Variants in TNFRSF8 observed in about 807,000 individuals in gnomAD.
TNFRSF8 encodes TNF receptor superfamily member 8.
Under a neutral mutation model 70.8 loss-of-function variants are expected in TNFRSF8, and 26 were observed. The ratio of observed to expected loss-of-function variants is 0.37; its 90% confidence interval spans 0.27 to 0.51. TNFRSF8 has a LOEUF of 0.51. TNFRSF8 is among the 20% of genes least tolerant of loss of function. The probability of loss-of-function intolerance (pLI) is 0.94; values close to 1 mark genes in which losing one functional copy is unlikely to be tolerated. For synonymous variants in TNFRSF8, 356 were observed against 339.2 expected (o/e 1.05, Z -0.54); for missense variants, 720 against 807.9 (o/e 0.89, Z 1.32).
chr1:12,081,188 C>A (rs563166054), intron 1 of TNFRSF8, among the ~76,000 whole-genome samples: 3 of 152,316 alleles, frequency 2.0e-5, no homozygotes, highest in South Asian at 2.1e-4. Flanking sequence ...GAAGCATAAG[C>A]AGCCAGAGCC....
At chr1:12,080,132 A>G (rs1641038356) in intron 1 of TNFRSF8, among the ~76,000 whole-genome samples, 1 of 151,846 alleles carries the variant, frequency 6.6e-6, no homozygotes, top group Non-Finnish European at 1.5e-5. Context: ...TATTTTTAGC[A>G]GAGACGGGGT....
intron 3 of TNFRSF8, among the ~76,000 whole-genome samples, chr1:12,098,309 G>A (rs1641365089): frequency 1.3e-5 from 2 of 152,084 alleles, no homozygotes; most frequent in South Asian, 4.1e-4. Flanking sequence ...ATTTCTAAAA[G>A]TAATGACTGC....
chr1:12,122,699 G>C lies in TNFRSF8; in HGVS notation c.947-585G>C, dbSNP rs188074373. Among the ~76,000 whole-genome samples, 662 of 152,058 alleles carry C rather than the reference G, an allele frequency of 4.4e-3. 5 individuals are homozygous for C. The highest frequency in any genetic ancestry group is 7.9e-3 in the South Asian group (38 of 4,818). On this transcript the variant is annotated intron_variant, in intron 8 of 14. Transcript: ENST00000263932. ...ATTCCTTAATAAAGTTGATTTAAAA[G>C]AAAAAAACTTTAAAAATTGAGGCTG...
At chr1:12,095,902 C>T (rs1429984933) in intron 2 of TNFRSF8, among the ~76,000 whole-genome samples, 1 of 152,236 alleles carries the variant, frequency 6.6e-6, no homozygotes, top group African/African-American at 2.4e-5. Flanking sequence ...CTTCTGCTGG[C>T]TTCTGAGTCA....
Position 12,063,657 on chromosome 1 carries a change from C to G in TNFRSF8, c.59C>G (p.Pro20Arg). ...TTCCTGGGGGCGCTACGAGCCTTCC[C>G]ACAGGTAAGCGGGTGACGGGCGCCT... The part of the protein sequence containing the change: ...LLFLGALRAF[P>R]QDRPFEDTCH... The change falls in exon 1 of 15, where the codon CCA (proline) becomes CGA (arginine). Residue 20 changes from proline to arginine, a missense_variant. By Grantham distance (103) the Pro-to-Arg change is moderately radical. Transcript: ENST00000263932. The surrounding 1 kb of genome is among the most constrained non-coding windows in gnomAD (Gnocchi z 7.2). 2.3e-6 allele frequency: 3 copies of G among 1,276,866 alleles called. No homozygotes were observed. The highest frequency in any genetic ancestry group is 6.3e-5 in the East Asian group (2 of 31,786). 79.1% of individuals were successfully genotyped at this position (1,276,866 alleles called of 1,614,324 possible).
chr1:12,065,859 A>C (rs1640730995), intron 1 of TNFRSF8, among the ~76,000 whole-genome samples: 1 of 152,180 alleles, frequency 6.6e-6, no homozygotes, highest in African/African-American at 2.4e-5. Context: ...GCACAGCCCT[A>C]TATGGATGCT....
intron 1 of TNFRSF8, among the ~76,000 whole-genome samples, chr1:12,066,466 G>A (rs1451255879): frequency 2.6e-5 from 4 of 151,038 alleles, no homozygotes; most frequent in Admixed American, 1.3e-4. Context: ...TGATTCTACC[G>A]TCTCAGCCTC....
At chr1:12,079,727 G>A (rs147274302) in intron 1 of TNFRSF8, among the ~76,000 whole-genome samples, 1 of 152,080 alleles carries the variant, frequency 6.6e-6, no homozygotes, top group Middle Eastern at 3.2e-3. Flanking sequence ...CATCCCACCA[G>A]GTTGAGATCC....
rs928787885 is a variant in TNFRSF8 at position 12,115,629 on chromosome 1, A to T, written c.846A>T (p.Glu282Asp). 6 of 1,614,140 alleles carry T rather than the reference A, an allele frequency of 3.7e-6. No homozygotes were observed. The highest frequency in any genetic ancestry group is 5.1e-6 in the Non-Finnish European group (6 of 1,180,010). ...CATGGAACTCCTCCCGCACCTGCGA[A>T]TGTCGACCTGGCATGATCTGTGCCA... ...PCAWNSSRTC[E>D]CRPGMICATS... is the part of the protein sequence containing the mutation. Residue 282 changes from glutamate (E) to aspartate (D), a missense_variant, in exon 8 of 15, where the codon GAA becomes GAT. Coordinates refer to ENST00000263932, the MANE Select transcript of TNFRSF8 (RefSeq NM_001243.5).
At chr1:12,097,363 C>CAT in intron 3 of TNFRSF8, 146 bp downstream of exon 3, 2 of 585,436 alleles carry the variant, frequency 3.4e-6, no homozygotes. Context: ...GTTTACCTCT[C>CAT]TGCATTTGTG....
intron 13 of TNFRSF8, among the ~76,000 whole-genome samples, chr1:12,137,799 G>T (rs1335374629): frequency 6.6e-6 from 1 of 151,980 alleles, no homozygotes; most frequent in Non-Finnish European, 1.5e-5. Context: ...GTGCTTATGA[G>T]TGTGGGTTAT....
At chr1:12,069,625 A>G (rs147118249) in intron 1 of TNFRSF8, among the ~76,000 whole-genome samples, 13 of 152,170 alleles carry the variant, frequency 8.5e-5, no homozygotes, top group African/African-American at 2.4e-4. Flanking sequence ...GCGTGAGCTC[A>G]AGGCTCCTCA....
chr1:12,107,264 G>A lies in TNFRSF8; in HGVS notation c.422-2302G>A, dbSNP rs557750010. Among the ~76,000 whole-genome samples the A allele has an allele frequency of 2.6e-4, 39 of 152,180 alleles. No homozygotes were observed. The East Asian group carries it at 6.6e-3, about 26-fold the overall frequency. On this transcript the variant is annotated intron_variant, in intron 4 of 14. Transcript: ENST00000263932. Reference sequence around the variant, plus strand: ...ACAAAAGTTGGCCAGGTGTGGTGGCGGGTGCTTGAAATCTCAACTACTTGG... The same window carrying A: ...ACAAAAGTTGGCCAGGTGTGGTGGCAGGTGCTTGAAATCTCAACTACTTGG...
chr1:12,100,924 T>C (rs557038831), intron 3 of TNFRSF8, among the ~76,000 whole-genome samples: 1 of 148,782 alleles, frequency 6.7e-6, no homozygotes, highest in Non-Finnish European at 1.5e-5. Flanking sequence ...GCTACTGCAC[T>C]CCAGCCTGGG....
chr1:12,131,320 C>G (rs947266615), intron 12 of TNFRSF8, among the ~76,000 whole-genome samples: 4 of 151,962 alleles, frequency 2.6e-5, no homozygotes, highest in African/African-American at 7.3e-5. Context: ...CATGGTGGCA[C>G]ACACCTGTAA....
At chr1:12,124,878 C>CAAAACAAAACAAAACAAAACA (rs148495171) in intron 10 of TNFRSF8, among the ~76,000 whole-genome samples, 7 of 141,856 alleles carry the variant, frequency 4.9e-5, no homozygotes, top group African/African-American at 7.9e-5. Context: ...CAAAACAAAA[C>CAAAACAAAACAAAACAAAACA]AAACAAAACC....
At chr1:12,139,374 C>T (rs543730875) in intron 14 of TNFRSF8, among the ~76,000 whole-genome samples, 20 of 152,300 alleles carry the variant, frequency 1.3e-4, no homozygotes, top group South Asian at 2.1e-4. Flanking sequence ...GCTACCCCCT[C>T]GCCTGAAATA....
At chr1:12,070,872 G>T (rs1640830087) in intron 1 of TNFRSF8, among the ~76,000 whole-genome samples, 1 of 152,162 alleles carries the variant, frequency 6.6e-6, no homozygotes, top group African/African-American at 2.4e-5. Flanking sequence ...TCTCTACAGA[G>T]TTCAAGCTGC....
At chr1:12,101,440 G>T (rs1641421800) in intron 3 of TNFRSF8, among the ~76,000 whole-genome samples, 1 of 144,756 alleles carries the variant, frequency 6.9e-6, no homozygotes, top group African/African-American at 2.7e-5. Context: ...AAAAAAAAAT[G>T]ATAAAAAGTA....
Sources: allele counts gnomAD v4.1 joint callset (sites outside exome capture counted in the v4.1 genomes callset), GRCh38; gene constraint gnomAD v4.1.1; non-coding constraint Gnocchi (gnomAD v3.1); transcripts MANE v1.5; gene names NCBI Gene and HGNC (gene_info 2026-07-23, HGNC 2026-07-21).